Variants in TENM2 observed in about 807,000 individuals in gnomAD.
TENM2 encodes the protein teneurin-2.
TENM2 carries 52 observed loss-of-function variants against 245.2 expected under a neutral mutation model. The observed-to-expected ratio is 0.21, with a 90% CI of 0.17 to 0.27. The LOEUF is 0.27. Ranked by LOEUF, TENM2 falls within the 10% of genes least tolerant of loss-of-function variation. The pLI is 1.00. For missense variants in TENM2, 3,046 were observed against 3,666.8 expected, an observed-to-expected ratio of 0.83 and a Z score of 4.37; for synonymous variants, 1,363 against 1,438.9, an observed-to-expected ratio of 0.95 and a Z score of 1.19.
At chr5:167,139,022 T>C in the TENM2 span, among the ~76,000 whole-genome samples, 1 of 152,244 alleles carries the variant, frequency 6.6e-6, no homozygotes, top group South Asian at 2.1e-4. Context: ...TATATACCCA[T>C]GTAAGGGCTA....
intron 2 of TENM2, among the ~76,000 whole-genome samples, chr5:167,845,150 A>G (rs997856361): frequency 4.6e-5 from 7 of 151,762 alleles, no homozygotes; most frequent in Middle Eastern, 3.2e-3. Context: ...AAATTAAAGC[A>G]TTGTCACAGA....
the TENM2 span, among the ~76,000 whole-genome samples, chr5:167,115,512 C>G: frequency 1.3e-5 from 2 of 152,120 alleles, no homozygotes; most frequent in Non-Finnish European, 2.9e-5. Flanking sequence ...TCAAGTATCA[C>G]TAAACTTGAC....
At chr5:167,271,461 A>T in the TENM2 span, among the ~76,000 whole-genome samples, 1 of 152,114 alleles carries the variant, frequency 6.6e-6, no homozygotes, top group Non-Finnish European at 1.5e-5. Context: ...GGGGGAAAAA[A>T]GGCATGGAAT....
At chr5:168,145,008 C>T (rs865794881) in intron 12 of TENM2, among the ~76,000 whole-genome samples, 49 of 151,902 alleles carry the variant, frequency 3.2e-4, no homozygotes, top group African/African-American at 1.0e-3. Context: ...ATGTCCTTTG[C>T]CCACTTTTTG....
chr5:167,591,855 G>C (rs1775899339), intron 2 of TENM2, among the ~76,000 whole-genome samples: 1 of 152,120 alleles, frequency 6.6e-6, no homozygotes, highest in Non-Finnish European at 1.5e-5. Context: ...CCCCTGCTCT[G>C]ATCCATCTAA....
intron 4 of TENM2, among the ~76,000 whole-genome samples, chr5:167,954,972 G>A (rs998300651): frequency 1.3e-5 from 2 of 151,934 alleles, no homozygotes; most frequent in Admixed American, 1.3e-4. Context: ...TAATCCTTTG[G>A]GTTCATACCC....
intron 2 of TENM2, among the ~76,000 whole-genome samples, chr5:167,789,908 TA>T (rs1764831663): frequency 1.3e-5 from 2 of 152,218 alleles, no homozygotes; most frequent in African/African-American, 4.8e-5. Flanking sequence ...ATGTACTTAA[TA>T]AATGTTAACC....
intron 1 of TENM2, among the ~76,000 whole-genome samples, chr5:167,310,236 C>T (rs978228754): frequency 1.8e-4 from 27 of 152,150 alleles, no homozygotes; most frequent in Non-Finnish European, 1.6e-4. Context: ...CTACGGCTGT[C>T]GCCAAACAAG....
chr5:168,151,761 C>G (rs1756674672), intron 12 of TENM2, among the ~76,000 whole-genome samples: 1 of 152,180 alleles, frequency 6.6e-6, no homozygotes, highest in Non-Finnish European at 1.5e-5. Context: ...GTTGGAAGCC[C>G]TAACATACCA....
chr5:167,439,753 C>A (rs537669349), intron 2 of TENM2, among the ~76,000 whole-genome samples: 3 of 152,278 alleles, frequency 2.0e-5, no homozygotes, highest in South Asian at 2.1e-4. Flanking sequence ...GTTTGCTACT[C>A]CTCCTCTCAG....
chr5:168,134,671 GAGTGAA>G (rs1754891142), intron 12 of TENM2, among the ~76,000 whole-genome samples: 1 of 152,138 alleles, frequency 6.6e-6, no homozygotes, highest in Non-Finnish European at 1.5e-5. Context: ...TGGGCAACAA[GAGTGAA>G]ACTCTGTCTC....
intron 6 of TENM2, among the ~76,000 whole-genome samples, chr5:168,056,188 C>T (rs938391757): frequency 1.5e-4 from 23 of 152,170 alleles, no homozygotes; most frequent in African/African-American, 5.5e-4. Flanking sequence ...GATCTGTCCT[C>T]CTGGACATCG....
intron 9 of TENM2, among the ~76,000 whole-genome samples, chr5:168,105,542 G>T (rs1209526032): frequency 6.6e-6 from 1 of 152,164 alleles, no homozygotes. Context: ...AACATTTGAA[G>T]TTTTCAAAGT....
At chr5:168,251,983 T>C (rs889605611) in intron 27 of TENM2, among the ~76,000 whole-genome samples, 3 of 152,230 alleles carry the variant, frequency 2.0e-5, no homozygotes, top group East Asian at 3.9e-4. Context: ...CCTTCTCACT[T>C]ACAGGCTGCA....
the TENM2 span, among the ~76,000 whole-genome samples, chr5:166,984,133 T>G: frequency 6.6e-6 from 1 of 152,124 alleles, no homozygotes; most frequent in Non-Finnish European, 1.5e-5. Context: ...TAAAGTGCTT[T>G]TATTAAGTTA....
At chr5:167,807,627 A>ATT (rs1561803848) in intron 2 of TENM2, among the ~76,000 whole-genome samples, 4,185 of 26,800 alleles carry the variant, frequency 0.16, 67 homozygotes, top group South Asian at 0.27. Flanking sequence ...TTTTTTTTAA[A>ATT]AAAAAAAAAA....
At chr5:167,510,271 A>G (rs1769849548) in intron 2 of TENM2, among the ~76,000 whole-genome samples, 2 of 152,206 alleles carry the variant, frequency 1.3e-5, no homozygotes, top group South Asian at 4.1e-4. Flanking sequence ...TAAGTGCAAC[A>G]CTGTGCTTGT....
intron 3 of TENM2, among the ~76,000 whole-genome samples, chr5:167,936,897 A>G (rs1245735467): frequency 6.6e-6 from 1 of 152,250 alleles, no homozygotes; most frequent in African/African-American, 2.4e-5. Context: ...ATGAAATCAT[A>G]GCTTTTGAAA....
At chr5:167,119,458 A>T in the TENM2 span, 1 of 152,186 alleles carries the variant, frequency 6.6e-6, no homozygotes, top group Non-Finnish European at 1.5e-5. Flanking sequence ...AAAAACATAA[A>T]TTTACTTCTC....
Sources: gnomAD v4.1 joint callset for allele counts (sites outside exome capture counted in the v4.1 genomes callset) on GRCh38, gnomAD v4.1.1 for gene constraint, MANE v1.5 for transcripts, NCBI Gene and HGNC (gene_info 2026-07-23, HGNC 2026-07-21) for gene names.